Variants in UACA observed in about 807,000 individuals in gnomAD.
UACA encodes the protein nuclear membrane binding protein.
In UACA, 112 loss-of-function variants were observed where a neutral mutation model predicts 160.5. The observed-to-expected ratio is 0.70, with a 90% confidence interval of 0.60 to 0.82. The LOEUF (loss-of-function observed/expected upper bound fraction) is 0.82, where lower values mean the gene tolerates loss of function less well. Ranked by LOEUF, UACA falls within the 40% of genes least tolerant of loss-of-function variation. UACA has a pLI of 0.00. For synonymous variants in UACA, 557 were observed against 568.4 expected (o/e 0.98, Z 0.29); for missense variants, 1,574 against 1,614.6 (o/e 0.97, Z 0.43).
rs541322666 is a variant in UACA, at chr15:70,704,576, ATAATT to A, written c.79-4921_79-4917del. ...TACCTGCTGTATGTATACTAGTAGG[ATAATT>A]TATTTATACTTTCTAGGCACCAGTG... On this transcript the variant is annotated intron_variant, in intron 1 of 18. Coordinates refer to ENST00000322954, the MANE Select transcript of UACA (RefSeq NM_018003.4). Among the ~76,000 whole-genome samples the A allele has an allele frequency of 2.7e-3, 414 of 152,318 alleles. 3 individuals carry two copies. The highest frequency in any genetic ancestry group is 0.012 in the Admixed American group (176 of 15,290).
chr15:70,727,340 A>G lies in UACA; in HGVS notation c.79-27680T>C, dbSNP rs547986228. On this transcript the variant is annotated intron_variant, in intron 1 of 18. Transcript: ENST00000322954. Reference sequence around the variant, plus strand: ...TCACAAAAATATTATTTAATAAACCACAATATCCTATAACTTTTTTCTCAT... The same window carrying G: ...TCACAAAAATATTATTTAATAAACCGCAATATCCTATAACTTTTTTCTCAT... Among the ~76,000 whole-genome samples, 4 of 152,350 alleles carry G rather than the reference A, an allele frequency of 2.6e-5. No homozygotes were observed. The South Asian group carries it at 8.3e-4, about 32-fold the overall frequency.
chr15:70,673,228 T>C (rs189008304), intron 13 of UACA, among the ~76,000 whole-genome samples: 76 of 152,190 alleles, frequency 5.0e-4, no homozygotes, highest in Middle Eastern at 3.4e-3. Context: ...TGAGTGGTGA[T>C]TGCACCACTG....
At chr15:70,720,725 T>C (rs895633542) in intron 1 of UACA, among the ~76,000 whole-genome samples, 6 of 152,164 alleles carry the variant, frequency 3.9e-5, no homozygotes, top group African/African-American at 1.4e-4. Context: ...AAGTCAATAT[T>C]TGTGATCAAG....
At chr15:70,765,871 CTTAAATG>C (rs2030998352), upstream of UACA, among the ~76,000 whole-genome samples, 2 of 152,222 alleles carry the variant, frequency 1.3e-5, no homozygotes, top group Admixed American at 6.5e-5. Flanking sequence ...CTGACTGAAT[CTTAAATG>C]TTAATTGCTT....
chr15:70,668,914 T>C lies in UACA; in HGVS notation c.1770A>G (p.Arg590=), dbSNP rs761120761. 1.9e-6 allele frequency: 3 copies of C among 1,613,430 alleles called. No homozygotes were observed. The highest frequency in any genetic ancestry group is 2.5e-6 in the Non-Finnish European group (3 of 1,179,874). The change falls in exon 16 of 19, where the codon CGA becomes CGG. Residue 590 remains arginine (R), a synonymous_variant. Coordinates refer to ENST00000322954, the MANE Select transcript of UACA (RefSeq NM_018003.4). The part of the protein sequence containing the change: ...DEGKLIEENK[R]LQKELSMCEM... ...CACACATACTAAGTTCCTTCTGTAA[T>C]CGCTTATTTTCTTCTATCAGCTTGC...
At chr15:70,660,017 A>C (rs1896646366) in intron 18 of UACA, 134 bp downstream of exon 18, 2 of 672,184 alleles carry the variant, frequency 3.0e-6, no homozygotes, top group African/African-American at 1.9e-5. Context: ...ATTAAAAGAA[A>C]CATAATTATT....
chr15:70,750,761 C>T (rs1204764173), intron 1 of UACA, among the ~76,000 whole-genome samples: 1 of 152,122 alleles, frequency 6.6e-6, no homozygotes, highest in African/African-American at 2.4e-5. Context: ...GTCCCAGCTA[C>T]GCACTTGCTG....
chr15:70,701,428 T>C (rs1205441424), intron 1 of UACA, among the ~76,000 whole-genome samples: 4 of 152,232 alleles, frequency 2.6e-5, no homozygotes, highest in African/African-American at 9.6e-5. Context: ...CAAATGCTTG[T>C]TCTAGATTTG....
chr15:70,724,356 T>C (rs982981789), intron 1 of UACA, among the ~76,000 whole-genome samples: 1 of 152,204 alleles, frequency 6.6e-6, no homozygotes, highest in Admixed American at 6.5e-5. Context: ...CTCAGAAATA[T>C]ATTTAACCCA....
chr15:70,693,266 C>G (rs745987187), intron 3 of UACA, among the ~76,000 whole-genome samples: 1 of 152,058 alleles, frequency 6.6e-6, no homozygotes, highest in African/African-American at 2.4e-5. Context: ...ACTTGAGATA[C>G]GGCAGCAAAA....
At chr15:70,754,303 G>A (rs1290773090) in intron 1 of UACA, 1 of 336,222 alleles carries the variant, frequency 3.0e-6, no homozygotes, top group African/African-American at 2.2e-5. Context: ...GCATTCAGCA[G>A]AAACTGTATG....
intron 9 of UACA, among the ~76,000 whole-genome samples, chr15:70,682,461 AGTTACAAT>A (rs1293684271): frequency 6.6e-6 from 1 of 152,144 alleles, no homozygotes; most frequent in Non-Finnish European, 1.5e-5. Flanking sequence ...TCATTTAGCA[AGTTACAAT>A]GTCTCCTACT....
chr15:70,661,989 T>C (rs1183572551), intron 17 of UACA, among the ~76,000 whole-genome samples: 6 of 152,072 alleles, frequency 3.9e-5, no homozygotes, highest in Admixed American at 6.6e-5. Flanking sequence ...CTATTCAACA[T>C]AGTATTGGAA....
At position 70,667,363 on chromosome 15, in the gene UACA, CAA is replaced by C; in HGVS notation, c.3319_3320del (p.Leu1107AlafsTer11). The C allele has an allele frequency of 6.2e-7, 1 of 1,612,514 alleles. No individual in the cohort carries two copies. Among genetic ancestry groups the C allele is most frequent in the Non-Finnish European group, 8.5e-7 (1 of 1,179,794 alleles). ...GTTCCAATGGAACATGTTGTTTTTG[CAA>C]AAGATTTTGCACTGCAAGTATCTCA... ...TSEILAVQNL[L>X]QKQHVPLEQV... On this transcript the variant is annotated frameshift_variant, in exon 16 of 19. Transcript: ENST00000322954. LOFTEE classifies it high-confidence loss of function.
chr15:70,674,502 A>C lies in UACA; in HGVS notation c.1131+1991T>G, dbSNP rs564296105. Among the ~76,000 whole-genome samples, 3 of 152,320 alleles carry C rather than the reference A, an allele frequency of 2.0e-5. No individual in the cohort carries two copies. The East Asian group carries it at 5.8e-4, about 29-fold the overall frequency. On this transcript the variant is annotated intron_variant, in intron 13 of 18. Transcript: ENST00000322954. ...CTTTCTTATTTTTCTAAAGTAAATAAGTATTTTTATAAGAAAAATAAGTTA... is the reference window on the plus strand; with the variant it reads ...CTTTCTTATTTTTCTAAAGTAAATACGTATTTTTATAAGAAAAATAAGTTA...
intron 17 of UACA, among the ~76,000 whole-genome samples, chr15:70,662,059 G>A (rs1057428705): frequency 2.0e-5 from 3 of 152,142 alleles, no homozygotes; most frequent in Admixed American, 2.0e-4. Context: ...TAGGAAAAGA[G>A]GAAGTCAAAT....
intron 7 of UACA, among the ~76,000 whole-genome samples, chr15:70,685,823 C>T (rs1034230289): frequency 1.4e-4 from 21 of 151,796 alleles, no homozygotes; most frequent in African/African-American, 3.6e-4. Context: ...CGCTCTGTTG[C>T]CAGCGCAGTG....
At chr15:70,766,877 C>T (rs375225236), upstream of UACA, among the ~76,000 whole-genome samples, 8 of 152,190 alleles carry the variant, frequency 5.3e-5, 1 homozygote, top group African/African-American at 1.7e-4. Context: ...GACAGATGCT[C>T]ACTGATAACT....
the UACA span, among the ~76,000 whole-genome samples, chr15:70,775,743 T>C: frequency 1.3e-5 from 2 of 152,248 alleles, no homozygotes; most frequent in Non-Finnish European, 2.9e-5. Flanking sequence ...TGTTTCAACA[T>C]GCTTGTGTGA....
Sources: allele counts gnomAD v4.1 joint callset (sites outside exome capture counted in the v4.1 genomes callset), GRCh38; gene constraint gnomAD v4.1.1; transcripts MANE v1.5; gene names NCBI Gene and HGNC (gene_info 2026-07-23, HGNC 2026-07-21).